Variants in GPBP1 observed in about 807,000 individuals in gnomAD.
GPBP1 encodes the protein GC-rich promoter binding protein 1, also known as vasculin.
Under a neutral mutation model 56.5 loss-of-function variants are expected in GPBP1, and 13 were observed. That is an observed-to-expected ratio of 0.23 (90% CI 0.15 to 0.37). The LOEUF (loss-of-function observed/expected upper bound fraction) is 0.37, where lower values mean the gene tolerates loss of function less well. GPBP1 is among the 10% of genes least tolerant of loss of function. GPBP1 has a pLI of 1.00. For synonymous variants in GPBP1, 204 were observed against 188.9 expected, an observed-to-expected ratio of 1.08 and a Z score of -0.66; for missense variants, 477 against 572.3, an observed-to-expected ratio of 0.83 and a Z score of 1.70.
chr5:57,234,983 C>T (rs1260272374), intron 5 of GPBP1, among the ~76,000 whole-genome samples: 1 of 151,994 alleles, frequency 6.6e-6, no homozygotes, highest in Non-Finnish European at 1.5e-5. Context: ...AGATAATAAA[C>T]ATGTGTTGCT....
Position 57,250,944 on chromosome 5 carries a change from T to TA in GPBP1, c.973-5dup, listed in dbSNP as rs1192980607. ...ATTCTTTTTTTTTTTTTTAACTCTC[T>TA]AAAAATCAGGATGACGACTCATTTA... On this transcript the variant is annotated splice_polypyrimidine_tract_variant and intron_variant, in intron 9 of 11. Coordinates refer to ENST00000506184, the MANE Select transcript of GPBP1 (RefSeq NM_022913.4). 6.6e-7 allele frequency: 1 copy of TA among 1,513,920 alleles called. No individual in the cohort carries two copies. Among genetic ancestry groups the TA allele is most frequent in the East Asian group, 2.3e-5 (1 of 43,388 alleles). 93.8% of individuals were successfully genotyped at this position (1,513,920 alleles called of 1,614,324 possible). A position where few individuals can be genotyped will look rare whatever the true frequency, so the allele number is the denominator to read the frequency against.
At chr5:57,212,855 TAG>T (rs1755550161) in intron 2 of GPBP1, among the ~76,000 whole-genome samples, 1 of 151,654 alleles carries the variant, frequency 6.6e-6, no homozygotes, top group African/African-American at 2.4e-5. Context: ...GTATTTTTGG[TAG>T]AGACAGGGTT....
At position 57,175,878 on chromosome 5, in the gene GPBP1, CTT is replaced by C. The variant is rs1753771773; in HGVS notation, c.-579_-578del. 1 of 397,866 alleles carries C rather than the reference CTT, an allele frequency of 2.5e-6. No homozygotes were observed. The highest frequency in any genetic ancestry group is 4.4e-6 in the Non-Finnish European group (1 of 225,852). 24.6% of individuals were successfully genotyped at this position (397,866 alleles called of 1,614,324 possible). ...TATTGAAAGTTTTAGGAATTTTTGA[CTT>C]CAGCTCTTTCATGTCACAATGGGAC... is the stretch of plus-strand genomic sequence containing the variant. On this transcript the variant is annotated 5_prime_UTR_variant, in exon 2 of 12. Transcript: ENST00000506184.
Position 57,175,499 on chromosome 5 carries a change from G to A in GPBP1, c.-959G>A, listed in dbSNP as rs1753758505. The A allele has an allele frequency of 5.0e-6, 2 of 398,402 alleles. No individual in the cohort carries two copies. Among genetic ancestry groups the A allele is most frequent in the East Asian group, 3.6e-5 (1 of 28,062 alleles). 24.7% of individuals were successfully genotyped at this position (398,402 alleles called of 1,614,324 possible). On this transcript the variant is annotated 5_prime_UTR_variant, in exon 2 of 12. Coordinates refer to ENST00000506184, the MANE Select transcript of GPBP1 (RefSeq NM_022913.4). Reference sequence around the variant, plus strand: ...TCATCATCTAGGTTTTGTGTAAAAGGCCCTGGATATTTTAAGTGGCCATTT... The same window carrying A: ...TCATCATCTAGGTTTTGTGTAAAAGACCCTGGATATTTTAAGTGGCCATTT...
At chr5:57,181,892 C>G (rs915647883) in intron 2 of GPBP1, among the ~76,000 whole-genome samples, 2 of 152,068 alleles carry the variant, frequency 1.3e-5, no homozygotes, top group African/African-American at 4.8e-5. Context: ...TACCTGCTTG[C>G]TTTTCCCATT....
chr5:57,234,539 A>G (rs1449125313), intron 5 of GPBP1, among the ~76,000 whole-genome samples: 1 of 152,146 alleles, frequency 6.6e-6, no homozygotes, highest in Non-Finnish European at 1.5e-5. Flanking sequence ...CGAATTTGAG[A>G]CCAGCCTGGG....
chr5:57,239,077 AT>A (rs1179814695), intron 6 of GPBP1, among the ~76,000 whole-genome samples: 2 of 152,146 alleles, frequency 1.3e-5, no homozygotes, highest in Non-Finnish European at 2.9e-5. Context: ...TCTTCGTTGG[AT>A]TTTTTTGACA....
chr5:57,210,202 T>C (rs1278366108), intron 2 of GPBP1, among the ~76,000 whole-genome samples: 1 of 152,200 alleles, frequency 6.6e-6, no homozygotes, highest in African/African-American at 2.4e-5. Context: ...TTTTTAAAAA[T>C]TAAAAGTCAG....
chr5:57,188,959 A>G (rs1754405293), intron 2 of GPBP1, among the ~76,000 whole-genome samples: 1 of 152,074 alleles, frequency 6.6e-6, no homozygotes, highest in African/African-American at 2.4e-5. Flanking sequence ...TCCCACTGCT[A>G]CTAGACTTGT....
At chr5:57,257,040 G>GT (rs542751162) in intron 10 of GPBP1, among the ~76,000 whole-genome samples, 4,160 of 146,282 alleles carry the variant, frequency 0.028, 91 homozygotes, top group Middle Eastern at 0.057. Context: ...TTTTGTTTTT[G>GT]TTTTTTTTTT....
chr5:57,245,011 A>G (rs902230528), intron 6 of GPBP1, among the ~76,000 whole-genome samples: 2 of 152,212 alleles, frequency 1.3e-5, no homozygotes, highest in African/African-American at 4.8e-5. Context: ...CAGGGATTAC[A>G]GGCTTAAGCC....
chr5:57,216,092 C>T (rs191118945), intron 3 of GPBP1, among the ~76,000 whole-genome samples: 2 of 152,286 alleles, frequency 1.3e-5, no homozygotes, highest in African/African-American at 2.4e-5. Flanking sequence ...CAATTAGGGC[C>T]TCAGTGTTCT....
chr5:57,247,307 C>A, intron 8 of GPBP1, 92 bp downstream of exon 8: 2 of 1,007,634 alleles, frequency 2.0e-6, no homozygotes, highest in Non-Finnish European at 1.4e-6. Flanking sequence ...TAAATGAATA[C>A]ATTAAAATGA....
In GPBP1 at chr5:57,264,073, C is replaced by G. The variant is rs562357140; in HGVS notation, c.*1321C>G. ...TGTTTTTGCTATTTCTGCATAAATA[C>G]CCTACCTGGACTCCCCAGTTTTCAC... On this transcript the variant is annotated 3_prime_UTR_variant, in exon 12 of 12. Coordinates refer to ENST00000506184, the MANE Select transcript of GPBP1 (RefSeq NM_022913.4). 1 of 151,934 alleles carries G rather than the reference C, an allele frequency of 6.6e-6. No individual in the cohort carries two copies. Among genetic ancestry groups the G allele is most frequent in the South Asian group, 2.1e-4 (1 of 4,812 alleles). 9.4% of individuals were successfully genotyped at this position (151,934 alleles called of 1,614,324 possible). A position where few individuals can be genotyped will look rare whatever the true frequency, so the allele number is the denominator to read the frequency against.
intron 10 of GPBP1, among the ~76,000 whole-genome samples, chr5:57,251,527 A>G (rs1741387600): frequency 6.7e-6 from 1 of 149,086 alleles, no homozygotes; most frequent in Admixed American, 6.7e-5. Flanking sequence ...CTATATGACT[A>G]TACTGCTTTT....
intron 2 of GPBP1, among the ~76,000 whole-genome samples, chr5:57,201,405 G>A (rs777592754): frequency 6.6e-6 from 1 of 151,760 alleles, no homozygotes. Flanking sequence ...TTTTTAGTAG[G>A]GATGATGTTT....
At chr5:57,209,583 G>T (rs1018234575) in intron 2 of GPBP1, among the ~76,000 whole-genome samples, 1 of 152,084 alleles carries the variant, frequency 6.6e-6, no homozygotes, top group South Asian at 2.1e-4. Flanking sequence ...TAAGGGGAAA[G>T]CTTTCAGTCT....
intron 7 of GPBP1, 114 bp from the exon 8 acceptor site, chr5:57,246,961 T>C (rs1741118653): frequency 1.2e-6 from 1 of 803,320 alleles, no homozygotes; most frequent in Admixed American, 3.0e-5. Context: ...GATACAAAAA[T>C]AATTGTTTCC....
At chr5:57,229,586 A>C (rs192971937) in intron 3 of GPBP1, among the ~76,000 whole-genome samples, 4 of 150,734 alleles carry the variant, frequency 2.7e-5, no homozygotes. Flanking sequence ...TCTGGAGTAC[A>C]GTTGTGTCAT....
Sources: gnomAD v4.1 joint callset for allele counts (sites outside exome capture counted in the v4.1 genomes callset) on GRCh38, gnomAD v4.1.1 for gene constraint, MANE v1.5 for transcripts, NCBI Gene and HGNC (gene_info 2026-07-23, HGNC 2026-07-21) for gene names.